The following ATAD1 variants were observed in gnomAD, a reference collection of about 807,000 sequenced individuals.
ATAD1 encodes outer mitochondrial transmembrane helix translocase.
A neutral mutation model predicts 42.7 loss-of-function variants in ATAD1; 18 were observed. The ratio of observed to expected loss-of-function variants is 0.42; its 90% CI spans 0.29 to 0.63. ATAD1 has a LOEUF of 0.63. ATAD1 is among the 20% of genes least tolerant of loss of function. The pLI, the probability that ATAD1 is intolerant of heterozygous loss-of-function variation, is 0.19. For synonymous variants in ATAD1, 132 were observed against 143.1 expected, an observed-to-expected ratio of 0.92 and a Z score of 0.55; for missense variants, 294 against 440.4, an observed-to-expected ratio of 0.67 and a Z score of 2.98.
At chr10:87,807,664 A>C (rs1417389505) in intron 2 of ATAD1, among the ~76,000 whole-genome samples, 1 of 152,144 alleles carries the variant, frequency 6.6e-6, no homozygotes, top group Non-Finnish European at 1.5e-5. Flanking sequence ...TGCATTCTAT[A>C]TATGTCCTCA....
At chr10:87,768,339 C>G (rs1020337326) in intron 7 of ATAD1, among the ~76,000 whole-genome samples, 3 of 152,164 alleles carry the variant, frequency 2.0e-5, no homozygotes, top group African/African-American at 7.2e-5. Context: ...TTAAAACTAT[C>G]ATGGCTGAAT....
intron 1 of ATAD1, among the ~76,000 whole-genome samples, chr10:87,827,852 G>T (rs1415237716): frequency 6.6e-6 from 1 of 152,206 alleles, no homozygotes; most frequent in Non-Finnish European, 1.5e-5. Context: ...ATTAAGCTTA[G>T]TGAAAAAAGG....
chr10:87,812,769 T>C (rs1054358812), intron 2 of ATAD1, among the ~76,000 whole-genome samples: 28 of 152,234 alleles, frequency 1.8e-4, no homozygotes, highest in Non-Finnish European at 3.8e-4. Context: ...GTGTATTTTT[T>C]ATCAGCCTCA....
chr10:87,812,188 A>T (rs1035351910), intron 2 of ATAD1, among the ~76,000 whole-genome samples: 1 of 152,204 alleles, frequency 6.6e-6, no homozygotes, highest in African/African-American at 2.4e-5. Flanking sequence ...AAGGTGAATT[A>T]TCCTTAAAAC....
At chr10:87,792,578 T>C (rs1856177517) in intron 3 of ATAD1, 79 bp downstream of exon 3, 3 of 1,063,768 alleles carry the variant, frequency 2.8e-6, no homozygotes. Flanking sequence ...CCGGCCGTGA[T>C]CTTTAAGACC....
intron 2 of ATAD1, among the ~76,000 whole-genome samples, chr10:87,800,421 T>G (rs1398266665): frequency 1.3e-5 from 2 of 152,148 alleles, no homozygotes; most frequent in Non-Finnish European, 2.9e-5. Context: ...GTTCTGTTTG[T>G]TATGGCCTGA....
At chr10:87,799,518 C>A (rs1420026626) in intron 2 of ATAD1, among the ~76,000 whole-genome samples, 3 of 152,064 alleles carry the variant, frequency 2.0e-5, no homozygotes, top group African/African-American at 4.8e-5. Context: ...AGCCTATGCC[C>A]AGGAATGAAT....
intron 1 of ATAD1, among the ~76,000 whole-genome samples, chr10:87,817,560 ATT>A (rs1857477952): frequency 6.6e-6 from 1 of 152,178 alleles, no homozygotes; most frequent in Admixed American, 6.5e-5. Flanking sequence ...TCACTGTAGT[ATT>A]TCTCTCCTAA....
chr10:87,814,829 C>A, intron 1 of ATAD1: 1 of 295,060 alleles, frequency 3.4e-6, no homozygotes. Flanking sequence ...TAGAAGTAGA[C>A]TAGAAATTAA....
In ATAD1 at chr10:87,789,722, A is replaced by AAAAAG. The variant is rs1323099754; in HGVS notation, c.382+583_382+587dup. 1.2e-4 allele frequency among the ~76,000 whole-genome samples: 18 copies of AAAAAG among 152,186 alleles called. 1 individual carries two copies. The highest frequency in any genetic ancestry group is 1.8e-4 in the Non-Finnish European group (12 of 68,016). ...GGGTGACACAGTGAGACCCCATCTCAAAAAGAAAAGAAAAGAGAGAAAAGA... is the reference window on the plus strand; with the variant it reads ...GGGTGACACAGTGAGACCCCATCTCAAAAAGAAAAGAAAAGAAAAGAGAGAAAAGA... On this transcript the variant is annotated intron_variant, in intron 4 of 9. Transcript: ENST00000680024.
intron 2 of ATAD1, among the ~76,000 whole-genome samples, chr10:87,806,668 G>A (rs774546454): frequency 5.2e-4 from 79 of 151,846 alleles, no homozygotes; most frequent in Non-Finnish European, 9.1e-4. Context: ...ACTTTTCTCC[G>A]CGAATATTAT....
chr10:87,791,466 T>A (rs550471936), intron 3 of ATAD1, among the ~76,000 whole-genome samples: 9 of 145,874 alleles, frequency 6.2e-5, no homozygotes, highest in Admixed American at 4.8e-4. Flanking sequence ...AAAAAAAAAA[T>A]AACTTTCACT....
chr10:87,796,549 A>G (rs769344385), intron 2 of ATAD1, among the ~76,000 whole-genome samples: 1 of 152,176 alleles, frequency 6.6e-6, no homozygotes, highest in Non-Finnish European at 1.5e-5. Context: ...GTGTCTCCCT[A>G]AAATGTATAA....
chr10:87,829,896 CT>C (rs1857798217), intron 1 of ATAD1, among the ~76,000 whole-genome samples: 1 of 152,196 alleles, frequency 6.6e-6, no homozygotes, highest in Non-Finnish European at 1.5e-5. Flanking sequence ...AGAATATTAG[CT>C]GATAAAGCAG....
upstream of ATAD1, among the ~76,000 whole-genome samples, chr10:87,820,628 T>C (rs1857614360): frequency 1.3e-5 from 2 of 152,296 alleles, no homozygotes; most frequent in South Asian, 4.1e-4. Flanking sequence ...TTGAATAAAG[T>C]CACGAGGCTG....
chr10:87,758,086 T>C (rs1854307562), intron 8 of ATAD1, among the ~76,000 whole-genome samples: 1 of 152,206 alleles, frequency 6.6e-6, no homozygotes, highest in Admixed American at 6.5e-5. Context: ...ATAATAGTTA[T>C]TATAGTAGTC....
At chr10:87,816,613 T>G (rs1337277292) in intron 1 of ATAD1, among the ~76,000 whole-genome samples, 2 of 152,016 alleles carry the variant, frequency 1.3e-5, no homozygotes, top group Non-Finnish European at 1.5e-5. Context: ...GGCACCTAAC[T>G]GAAATCTCTC....
intron 5 of ATAD1, among the ~76,000 whole-genome samples, chr10:87,779,321 A>G (rs1589494774): frequency 1.3e-5 from 1 of 76,300 alleles, no homozygotes; most frequent in East Asian, 2.7e-4. Flanking sequence ...AAATAAAATA[A>G]AACAAAATAA....
At chr10:87,804,831 C>A (rs1349259212) in intron 2 of ATAD1, among the ~76,000 whole-genome samples, 1 of 152,172 alleles carries the variant, frequency 6.6e-6, no homozygotes, top group Admixed American at 6.5e-5. Context: ...TCTTCTACTA[C>A]ATCTAAATAT....
Sources: allele counts gnomAD v4.1 joint callset (sites outside exome capture counted in the v4.1 genomes callset), GRCh38; gene constraint gnomAD v4.1.1; transcripts MANE v1.5; gene names NCBI Gene and HGNC (gene_info 2026-07-23, HGNC 2026-07-21).